The following MCTP1 variants were observed in gnomAD, a reference collection of about 807,000 sequenced individuals.
The protein encoded by MCTP1 is multiple C2 and transmembrane domain containing 1, also known as multiple C2 and transmembrane domain-containing protein 1.
Under a neutral mutation model 120.6 loss-of-function variants are expected in MCTP1, and 69 were observed. The ratio of observed to expected loss-of-function variants is 0.57; its 90% CI spans 0.47 to 0.70. MCTP1 has a LOEUF of 0.70. Ranked by LOEUF, MCTP1 falls within the 30% of genes least tolerant of loss-of-function variation. The pLI is 0.00. For synonymous variants in MCTP1, 529 were observed against 493.1 expected (o/e 1.07, Z -0.96); for missense variants, 1,203 against 1,248.8 (o/e 0.96, Z 0.55).
At chr5:94,991,279 C>T (rs533064618) in intron 2 of MCTP1, among the ~76,000 whole-genome samples, 4 of 152,052 alleles carry the variant, frequency 2.6e-5, no homozygotes, top group South Asian at 4.2e-4. Context: ...ATCTTGTCAC[C>T]GTATTGATTT....
At chr5:94,821,413 T>C (rs1195781267) in intron 17 of MCTP1, among the ~76,000 whole-genome samples, 1 of 152,176 alleles carries the variant, frequency 6.6e-6, no homozygotes, top group Non-Finnish European at 1.5e-5. Flanking sequence ...ATTCGACATT[T>C]TGATCTTCCC....
chr5:94,983,071 G>A (rs1402149352), intron 2 of MCTP1, among the ~76,000 whole-genome samples: 2 of 151,920 alleles, frequency 1.3e-5, no homozygotes, highest in Admixed American at 6.6e-5. Flanking sequence ...AAGTACCTTG[G>A]ACTGTCCCCT....
chr5:95,032,905 A>G (rs13160664), intron 1 of MCTP1, among the ~76,000 whole-genome samples: 103,807 of 151,850 alleles, frequency 0.68, 38,581 homozygotes, highest in Non-Finnish European at 0.85. Context: ...CCAGGGTGAC[A>G]TTACAACTGA....
At chr5:95,196,227 T>G (rs1750379078) in intron 1 of MCTP1, among the ~76,000 whole-genome samples, 1 of 152,208 alleles carries the variant, frequency 6.6e-6, no homozygotes, top group African/African-American at 2.4e-5. Flanking sequence ...GAAAACAAAG[T>G]AAAGATACAT....
At chr5:94,922,555 C>G (rs961475575) in intron 7 of MCTP1, among the ~76,000 whole-genome samples, 1 of 151,710 alleles carries the variant, frequency 6.6e-6, no homozygotes, top group Non-Finnish European at 1.5e-5. Context: ...ATGGCGCAAT[C>G]GCAGCCCACT....
At chr5:95,013,050 G>A (rs1052102058) in intron 2 of MCTP1, among the ~76,000 whole-genome samples, 2 of 152,142 alleles carry the variant, frequency 1.3e-5, no homozygotes, top group Non-Finnish European at 2.9e-5. Context: ...CTACTGCAGT[G>A]AACACATGAA....
chr5:94,961,813 C>A (rs1375692097), intron 2 of MCTP1, among the ~76,000 whole-genome samples: 1 of 152,138 alleles, frequency 6.6e-6, no homozygotes, highest in Non-Finnish European at 1.5e-5. Context: ...ATTGAAGCTA[C>A]AATTAATAAC....
At chr5:95,242,774 CA>C (rs955549299) in intron 1 of MCTP1, among the ~76,000 whole-genome samples, 1 of 152,026 alleles carries the variant, frequency 6.6e-6, no homozygotes, top group African/African-American at 2.4e-5. Flanking sequence ...AAGGGGAGCA[CA>C]AGGAAATTTT....
chr5:95,076,652 A>G (rs1363290638), intron 1 of MCTP1, among the ~76,000 whole-genome samples: 1 of 152,170 alleles, frequency 6.6e-6, no homozygotes, highest in Non-Finnish European at 1.5e-5. Flanking sequence ...GAGGGAAATC[A>G]CCACCAGAAA....
intron 1 of MCTP1, among the ~76,000 whole-genome samples, chr5:95,260,633 C>T (rs2152716949): frequency 6.6e-6 from 1 of 151,744 alleles, no homozygotes; most frequent in East Asian, 1.9e-4. Context: ...ATATCTTTTC[C>T]CTTCTCCCCT....
chr5:94,916,429 C>T (rs1366125665), intron 8 of MCTP1, among the ~76,000 whole-genome samples: 1 of 152,114 alleles, frequency 6.6e-6, no homozygotes. Context: ...CTGTGTGTAT[C>T]TACGGGTGGA....
At chr5:94,858,132 T>A (rs1283753871) in intron 17 of MCTP1, among the ~76,000 whole-genome samples, 1 of 151,620 alleles carries the variant, frequency 6.6e-6, no homozygotes, top group African/African-American at 2.4e-5. Context: ...GTTTAAGCTG[T>A]TTAAGCAACT....
chr5:95,278,738 G>T (rs994548898), intron 1 of MCTP1, among the ~76,000 whole-genome samples: 2 of 152,000 alleles, frequency 1.3e-5, no homozygotes, highest in African/African-American at 4.8e-5. Flanking sequence ...CGAGGTGAGC[G>T]GATCACCTGA....
chr5:95,134,430 A>G (rs2152428070), intron 1 of MCTP1, among the ~76,000 whole-genome samples: 1 of 152,332 alleles, frequency 6.6e-6, no homozygotes, highest in East Asian at 1.9e-4. Context: ...AACAACAATC[A>G]CCTTATTAAC....
chr5:95,045,999 T>C (rs1843070970), intron 1 of MCTP1, among the ~76,000 whole-genome samples: 1 of 152,160 alleles, frequency 6.6e-6, no homozygotes, highest in African/African-American at 2.4e-5. Context: ...CTCTGAGAAT[T>C]TAATGAGTTC....
intron 18 of MCTP1, chr5:94,788,853 C>T (rs1157713497): frequency 6.6e-6 from 1 of 152,164 alleles, no homozygotes; most frequent in Non-Finnish European, 1.5e-5. Flanking sequence ...ATGGTGAAGT[C>T]CTGGGGGCAG....
chr5:95,276,730 A>T (rs1192665063), intron 1 of MCTP1, among the ~76,000 whole-genome samples: 1 of 151,644 alleles, frequency 6.6e-6, no homozygotes, highest in East Asian at 2.0e-4. Context: ...AGGCAGGTGG[A>T]TCACAAGGTC....
intron 1 of MCTP1, among the ~76,000 whole-genome samples, chr5:95,206,138 A>G (rs1751589119): frequency 2.6e-5 from 4 of 152,182 alleles, no homozygotes; most frequent in Admixed American, 2.6e-4. Flanking sequence ...TCATAAATCA[A>G]TGAGTGAATA....
At chr5:94,733,214 TC>T (rs1763462774) in intron 19 of MCTP1, among the ~76,000 whole-genome samples, 1 of 152,240 alleles carries the variant, frequency 6.6e-6, no homozygotes, top group Non-Finnish European at 1.5e-5. Context: ...CAAAGAATTT[TC>T]CATTAGATGT....
Sources: allele counts gnomAD v4.1 joint callset (sites outside exome capture counted in the v4.1 genomes callset), GRCh38; gene constraint gnomAD v4.1.1; transcripts MANE v1.5; gene names NCBI Gene and HGNC (gene_info 2026-07-23, HGNC 2026-07-21).